The following SLC8A1 variants were observed in gnomAD, a reference collection of about 807,000 sequenced individuals.
The protein encoded by SLC8A1 is sodium/calcium exchanger 1.
A neutral mutation model predicts 68.3 loss-of-function variants in SLC8A1; 18 were observed. The ratio of observed to expected loss-of-function variants is 0.26; its 90% CI spans 0.18 to 0.39. The LOEUF is 0.39. Among genes scored for constraint, SLC8A1 ranks in the 10% least tolerant of loss-of-function variants. SLC8A1 has a pLI of 1.00. For synonymous variants in SLC8A1, 475 were observed against 415.5 expected, an observed-to-expected ratio of 1.14 and a Z score of -1.74; for missense variants, 985 against 1,156.7, an observed-to-expected ratio of 0.85 and a Z score of 2.15.
chr2:40,271,002 C>A (rs1194268654), intron 2 of SLC8A1, among the ~76,000 whole-genome samples: 1 of 152,130 alleles, frequency 6.6e-6, no homozygotes, highest in East Asian at 1.9e-4. Context: ...CTGAGGTATA[C>A]CCTAATCTTC....
At chr2:40,176,250 G>A (rs1306816641) in intron 3 of SLC8A1, among the ~76,000 whole-genome samples, 1 of 152,110 alleles carries the variant, frequency 6.6e-6, no homozygotes, top group East Asian at 1.9e-4. Flanking sequence ...TTTATTAATA[G>A]TGACAAGAAT....
In SLC8A1 at chr2:40,382,485, T is replaced by C. The variant is rs930307642; in HGVS notation, c.1808+45988A>G. Among the ~76,000 whole-genome samples the C allele has an allele frequency of 2.6e-5, 4 of 152,264 alleles. No individual in the cohort carries two copies. The South Asian group carries it at 8.3e-4, about 32-fold the overall frequency. ...ATTATTCAAATCAATAAAATATGAG[T>C]GTTTTAAAACAGTTATCCCTATAAG... On this transcript the variant is annotated intron_variant, in intron 2 of 7. Transcript: ENST00000406785.
intron 2 of SLC8A1, among the ~76,000 whole-genome samples, chr2:40,320,431 T>C (rs1319545296): frequency 6.6e-6 from 1 of 152,166 alleles, no homozygotes; most frequent in Non-Finnish European, 1.5e-5. Flanking sequence ...TCTGAAAATA[T>C]AATTTACTTT....
chr2:40,335,885 G>A (rs529583878), intron 2 of SLC8A1, among the ~76,000 whole-genome samples: 5 of 152,328 alleles, frequency 3.3e-5, no homozygotes, highest in African/African-American at 1.2e-4. Flanking sequence ...ATTCAAGAAA[G>A]AGATAAGTGA....
chr2:40,259,017 C>CATATT (rs10685960), intron 2 of SLC8A1, among the ~76,000 whole-genome samples: 137,559 of 151,802 alleles, frequency 0.91, 62,424 homozygotes, highest in East Asian at 0.99. Flanking sequence ...AATTGTGAGA[C>CATATT]ATAAAGAGAC....
chr2:40,366,086 C>T (rs574981756), intron 2 of SLC8A1, among the ~76,000 whole-genome samples: 1 of 151,982 alleles, frequency 6.6e-6, no homozygotes, highest in South Asian at 2.1e-4. Flanking sequence ...TATGAGCTAC[C>T]TGAAAACTGG....
At chr2:40,438,202 C>G (rs1699803460) in intron 1 of SLC8A1, among the ~76,000 whole-genome samples, 1 of 152,136 alleles carries the variant, frequency 6.6e-6, no homozygotes, top group African/African-American at 2.4e-5. Context: ...GTAATTCTTT[C>G]ACATAATAAT....
chr2:40,313,457 G>A (rs944218503), intron 2 of SLC8A1, among the ~76,000 whole-genome samples: 10 of 151,900 alleles, frequency 6.6e-5, no homozygotes, highest in Non-Finnish European at 7.4e-5. Flanking sequence ...TATGATAAGT[G>A]TATGTTTAAC....
chr2:40,333,921 A>C (rs199911647), intron 2 of SLC8A1, among the ~76,000 whole-genome samples: 1 of 152,096 alleles, frequency 6.6e-6, no homozygotes, highest in South Asian at 2.1e-4. Flanking sequence ...GGTGGTGCAC[A>C]CCTGTAATCT....
At chr2:40,457,743 G>C (rs1162817757) in intron 1 of SLC8A1, among the ~76,000 whole-genome samples, 4 of 152,104 alleles carry the variant, frequency 2.6e-5, no homozygotes, top group Non-Finnish European at 5.9e-5. Context: ...AGTCACCTTT[G>C]GGTTTGTTTC....
intron 7 of SLC8A1, chr2:40,120,664 A>G (rs750611288): frequency 2.0e-5 from 3 of 152,236 alleles, no homozygotes; most frequent in Admixed American, 6.5e-5. Context: ...CTATTTTATC[A>G]TTGTGAAGAA....
intron 2 of SLC8A1, among the ~76,000 whole-genome samples, chr2:40,364,942 G>A (rs191809827): frequency 1.2e-3 from 180 of 151,878 alleles, no homozygotes; most frequent in Admixed American, 1.4e-3. Context: ...ACAAAAAGAG[G>A]GATTTTAAGA....
intron 2 of SLC8A1, among the ~76,000 whole-genome samples, chr2:40,360,230 T>C (rs1341696933): frequency 6.6e-6 from 1 of 152,174 alleles, no homozygotes; most frequent in Non-Finnish European, 1.5e-5. Flanking sequence ...GTCCAGCATA[T>C]GCTAGGCACT....
upstream of SLC8A1, among the ~76,000 whole-genome samples, chr2:40,452,316 G>A (rs1702661178): frequency 1.3e-5 from 2 of 151,902 alleles, no homozygotes; most frequent in African/African-American, 2.4e-5. Context: ...TCGGGGCAAA[G>A]CCGGCGCGTT....
At chr2:40,415,426 G>GAA (rs564724684) in intron 2 of SLC8A1, among the ~76,000 whole-genome samples, 47 of 137,268 alleles carry the variant, frequency 3.4e-4, no homozygotes, top group Middle Eastern at 3.9e-3. Flanking sequence ...AATCCATATG[G>GAA]AAAAAAAAAA....
chr2:40,162,495 C>T (rs2045855583), intron 5 of SLC8A1, among the ~76,000 whole-genome samples: 1 of 152,186 alleles, frequency 6.6e-6, no homozygotes, highest in African/African-American at 2.4e-5. Context: ...AGACTTTCCT[C>T]AAGAAATAGC....
chr2:40,139,286 G>C (rs959442400), intron 7 of SLC8A1, 115 bp downstream of exon 10: 3 of 1,178,046 alleles, frequency 2.5e-6, no homozygotes, highest in African/African-American at 1.5e-5. Context: ...CAGGGCTCTC[G>C]TCTTTCATAG....
chr2:40,154,269 G>C (rs2043985746), intron 6 of SLC8A1, among the ~76,000 whole-genome samples: 1 of 150,958 alleles, frequency 6.6e-6, no homozygotes. Flanking sequence ...CAAAAAGTGG[G>C]CCACAATTTT....
At chr2:40,367,448 A>T (rs1450583516) in intron 2 of SLC8A1, among the ~76,000 whole-genome samples, 2 of 151,916 alleles carry the variant, frequency 1.3e-5, no homozygotes, top group Non-Finnish European at 1.5e-5. Flanking sequence ...TCCCCGACTG[A>T]GTTACCTATA....
Sources: gnomAD v4.1 joint callset for allele counts (sites outside exome capture counted in the v4.1 genomes callset) on GRCh38, gnomAD v4.1.1 for gene constraint, MANE v1.5 for transcripts, NCBI Gene and HGNC (gene_info 2026-07-23, HGNC 2026-07-21) for gene names.